The following JAM2 variants were observed in gnomAD, a reference collection of about 807,000 sequenced individuals.
JAM2 encodes the protein junctional adhesion molecule B.
A neutral mutation model predicts 42.0 loss-of-function variants in JAM2; 17 were observed. The ratio of observed to expected loss-of-function variants is 0.40; its 90% CI spans 0.28 to 0.61. JAM2 has a LOEUF of 0.61. Among genes scored for constraint, JAM2 ranks in the 20% least tolerant of loss-of-function variants. The pLI is 0.37. For synonymous variants in JAM2, 118 were observed against 128.6 expected (o/e 0.92, Z 0.56); for missense variants, 319 against 358.3 (o/e 0.89, Z 0.89).
intron 4 of JAM2, among the ~76,000 whole-genome samples, chr21:25,695,198 C>T (rs2033976597): frequency 6.6e-6 from 1 of 152,082 alleles, no homozygotes; most frequent in Admixed American, 6.5e-5. Context: ...GAGCATGCTG[C>T]CTTCAAGCAT....
chr21:25,680,797 G>A (rs1490340537), intron 1 of JAM2, among the ~76,000 whole-genome samples: 3 of 150,818 alleles, frequency 2.0e-5, no homozygotes, highest in South Asian at 4.2e-4. Context: ...GATGGATGAC[G>A]ATCGATGGAT....
chr21:25,639,472 G>A lies in JAM2; in HGVS notation c.-350G>A. The stretch of plus-strand genomic sequence containing the variant: ...TCAATCCCGGAGGCGTGGGGGCGGA[G>A]GGACGACCCGCCGGGGCTTTCCCGG... On this transcript the variant is annotated 5_prime_UTR_variant, in exon 1 of 10. Coordinates refer to ENST00000480456, the MANE Select transcript of JAM2 (RefSeq NM_021219.4). The A allele has an allele frequency of 9.0e-6, 2 of 221,258 alleles. No individual in the cohort carries two copies. The highest frequency in any genetic ancestry group is 1.8e-5 in the Non-Finnish European group (2 of 113,596). 13.7% of individuals were successfully genotyped at this position (221,258 alleles called of 1,614,324 possible).
intron 4 of JAM2, among the ~76,000 whole-genome samples, chr21:25,697,241 C>G (rs537564281): frequency 6.6e-6 from 1 of 151,860 alleles, no homozygotes; most frequent in Admixed American, 6.5e-5. Flanking sequence ...CAAACCCATT[C>G]ATGAAATCAT....
chr21:25,683,238 A>C (rs1274528729), intron 1 of JAM2, among the ~76,000 whole-genome samples: 3 of 152,210 alleles, frequency 2.0e-5, no homozygotes, highest in Non-Finnish European at 4.4e-5. Flanking sequence ...AATAAGCAAC[A>C]GCAGCGTCAT....
intron 1 of JAM2, among the ~76,000 whole-genome samples, chr21:25,654,948 C>G (rs1298704485): frequency 6.6e-6 from 1 of 152,160 alleles, no homozygotes; most frequent in African/African-American, 2.4e-5. Flanking sequence ...GAAACACATG[C>G]ATCTAAAGGC....
At chr21:25,697,929 A>T (rs1330598119) in intron 4 of JAM2, among the ~76,000 whole-genome samples, 1 of 66,064 alleles carries the variant, frequency 1.5e-5, no homozygotes, top group Non-Finnish European at 2.6e-5. Flanking sequence ...ATCTATCTGC[A>T]CACACACACA....
rs2033729271 is a variant in JAM2 at position 25,685,482 on chromosome 21, G to A, written c.133+1534G>A. 3.9e-5 allele frequency among the ~76,000 whole-genome samples: 5 copies of A among 127,496 alleles called. No homozygotes were observed. In the South Asian group the frequency reaches 1.3e-3, roughly 33 times the overall value. The allele number at this position is 127,496 out of a possible 152,430, so 83.6% of individuals were successfully genotyped here. On this transcript the variant is annotated intron_variant, in intron 2 of 9. Transcript: ENST00000480456. ...TGAGGCTGCAGTGAGCCATGACCAT[G>A]CCAGTGCACTCCAGCCTGGACAACA...
chr21:25,668,976 A>C (rs1314056143), intron 1 of JAM2, among the ~76,000 whole-genome samples: 1 of 152,202 alleles, frequency 6.6e-6, no homozygotes, highest in African/African-American at 2.4e-5. Context: ...GACACAGCCA[A>C]AGAGGTTTTA....
At chr21:25,671,459 G>T (rs966922541) in intron 1 of JAM2, among the ~76,000 whole-genome samples, 1 of 151,878 alleles carries the variant, frequency 6.6e-6, no homozygotes, top group East Asian at 1.9e-4. Context: ...CCCTTTATGT[G>T]CCTATTTATT....
At chr21:25,684,792 T>C (rs2033713813) in intron 2 of JAM2, among the ~76,000 whole-genome samples, 1 of 152,056 alleles carries the variant, frequency 6.6e-6, no homozygotes, top group African/African-American at 2.4e-5. Flanking sequence ...GAAACAGGGT[T>C]TCACCACATT....
chr21:25,678,218 T>G (rs775395473), intron 1 of JAM2, among the ~76,000 whole-genome samples: 6 of 152,038 alleles, frequency 3.9e-5, no homozygotes, highest in Non-Finnish European at 8.8e-5. Context: ...AGAGCGAGAC[T>G]CAGTCTCAAA....
intron 1 of JAM2, among the ~76,000 whole-genome samples, chr21:25,650,593 CGT>C (rs2032747221): frequency 6.6e-6 from 1 of 152,082 alleles, no homozygotes; most frequent in South Asian, 2.1e-4. Flanking sequence ...TATGTCCTGA[CGT>C]GTGTTTTAAT....
intron 9 of JAM2, among the ~76,000 whole-genome samples, 177 bp downstream of exon 9, chr21:25,712,559 G>A (rs1156712651): frequency 1.3e-5 from 2 of 152,124 alleles, no homozygotes; most frequent in African/African-American, 4.8e-5. Flanking sequence ...GTCTAGGATG[G>A]CATGATAAAG....
intron 1 of JAM2, among the ~76,000 whole-genome samples, chr21:25,642,301 C>T (rs2032468758): frequency 6.6e-6 from 1 of 151,706 alleles, no homozygotes; most frequent in Non-Finnish European, 1.5e-5. Flanking sequence ...ATGGGTCTCT[C>T]CCTTCCCTTC....
In JAM2 at chr21:25,717,538, A is replaced by G. The variant is rs1863285838; in HGVS notation, c.*2866A>G. ...CTTTTTCCACAGGTGGCTTTGTTCG[A>G]TTAAAGTCTACACTAATAAAAATAG... On this transcript the variant is annotated 3_prime_UTR_variant, in exon 10 of 10. Transcript: ENST00000480456. 7.9e-7 allele frequency: 1 copy of G among 1,267,446 alleles called. No individual in the cohort carries two copies. The highest frequency in any genetic ancestry group is 1.5e-5 in the African/African-American group (1 of 65,368). 78.5% of individuals were successfully genotyped at this position (1,267,446 alleles called of 1,614,324 possible).
Position 25,706,175 on chromosome 21 carries a change from TTTTG to T in JAM2, c.805+105_805+108del, listed in dbSNP as rs3838068. On this transcript the variant is annotated intron_variant, in intron 7 of 9. Coordinates refer to ENST00000480456, the MANE Select transcript of JAM2 (RefSeq NM_021219.4). ...TACTGTTTCTCCTAGGAAGTTGTTT[TTTTG>T]TTTGTTTGTTTGTTTTTCAGACAGA... is the stretch of plus-strand genomic sequence containing the variant. 74,642 of 860,234 alleles carry T rather than the reference TTTTG, an allele frequency of 0.087. 4,966 individuals carry two copies. The highest frequency in any genetic ancestry group is 0.26 in the African/African-American group (14,983 of 58,730). The allele number at this position is 860,234 out of a possible 1,614,324, so 53.3% of individuals were successfully genotyped here.
At chr21:25,683,113 G>A (rs1045735258) in intron 1 of JAM2, among the ~76,000 whole-genome samples, 28 of 151,446 alleles carry the variant, frequency 1.8e-4, no homozygotes, top group Non-Finnish European at 2.9e-5. Context: ...CTCCAGGCCT[G>A]AGGGTGGGGC....
intron 3 of JAM2, among the ~76,000 whole-genome samples, chr21:25,691,160 T>C (rs2033872329): frequency 6.6e-6 from 1 of 152,260 alleles, no homozygotes; most frequent in Non-Finnish European, 1.5e-5. Flanking sequence ...TTTAAAATAC[T>C]ATGTATTTCT....
rs968749123 is a variant in JAM2, at chr21:25,717,195, C to G, written c.*2523C>G. On this transcript the variant is annotated 3_prime_UTR_variant, in exon 10 of 10. Transcript: ENST00000480456. ...CACACAAAGGGCAGAGTATTGAGCA[C>G]TAATTTCCTATTAAAAGTATATATA... The G allele has an allele frequency of 1.3e-5, 2 of 153,092 alleles. No homozygotes were observed. The highest frequency in any genetic ancestry group is 4.8e-5 in the African/African-American group (2 of 41,454). The allele number at this position is 153,092 out of a possible 1,614,324, so 9.5% of individuals were successfully genotyped here.
Sources: allele counts gnomAD v4.1 joint callset (sites outside exome capture counted in the v4.1 genomes callset), GRCh38; gene constraint gnomAD v4.1.1; transcripts MANE v1.5; gene names NCBI Gene and HGNC (gene_info 2026-07-23, HGNC 2026-07-21).